Variants in CYTH3 observed in about 807,000 individuals in gnomAD.
CYTH3 encodes cytohesin 3.
Under a neutral mutation model 55.1 loss-of-function variants are expected in CYTH3, and 23 were observed. The observed-to-expected ratio is 0.42, with a 90% CI of 0.30 to 0.59. The LOEUF (loss-of-function observed/expected upper bound fraction) is 0.59, where lower values mean the gene tolerates loss of function less well. Among genes scored for constraint, CYTH3 ranks in the 20% least tolerant of loss-of-function variants. CYTH3 has a pLI of 0.20. For missense variants in CYTH3, 413 were observed against 524.8 expected (o/e 0.79, Z 2.08); for synonymous variants, 249 against 194.9 (o/e 1.28, Z -2.31).
At chr7:6,236,411 T>C (rs1779525983) in intron 1 of CYTH3, among the ~76,000 whole-genome samples, 1 of 150,342 alleles carries the variant, frequency 6.7e-6, no homozygotes. Flanking sequence ...GGTCTTGCTA[T>C]GTTGCCCAGG....
intron 4 of CYTH3, among the ~76,000 whole-genome samples, chr7:6,179,112 G>A (rs1013513411): frequency 6.6e-6 from 1 of 152,102 alleles, no homozygotes; most frequent in Non-Finnish European, 1.5e-5. Context: ...GTCCACAGCA[G>A]CCTTATTTCC....
intron 4 of CYTH3, among the ~76,000 whole-genome samples, chr7:6,185,238 G>A (rs1180172985): frequency 6.6e-6 from 1 of 152,242 alleles, no homozygotes; most frequent in African/African-American, 2.4e-5. Flanking sequence ...TGGCTAGAGT[G>A]TATGCATTAA....
intron 1 of CYTH3, among the ~76,000 whole-genome samples, chr7:6,258,474 T>C (rs1399285223): frequency 6.6e-6 from 1 of 152,230 alleles, no homozygotes; most frequent in Non-Finnish European, 1.5e-5. Flanking sequence ...AGAGGGATTA[T>C]CCCACCTGCT....
intron 1 of CYTH3, among the ~76,000 whole-genome samples, chr7:6,244,125 T>G (rs189244238): frequency 1.3e-5 from 2 of 152,216 alleles, no homozygotes; most frequent in Non-Finnish European, 2.9e-5. Flanking sequence ...TTGCATCTTA[T>G]GTATCTGATG....
In CYTH3 at chr7:6,197,383, T is replaced by C. The variant is rs539071859; in HGVS notation, c.35-6852A>G. Among the ~76,000 whole-genome samples, 76 of 152,252 alleles carry C rather than the reference T, an allele frequency of 5.0e-4. 1 individual carries two copies. The highest frequency in any genetic ancestry group is 1.7e-3 in the African/African-American group (71 of 41,568). On this transcript the variant is annotated intron_variant, in intron 1 of 12. Coordinates refer to ENST00000350796, the MANE Select transcript of CYTH3 (RefSeq NM_004227.4). ...ATTATGTCTATACTTCGAAATACTT[T>C]AGCAAAAAAAGAATTGAGGCTGAGC...
intron 1 of CYTH3, among the ~76,000 whole-genome samples, chr7:6,194,179 G>C (rs959663098): frequency 6.6e-6 from 1 of 152,222 alleles, no homozygotes; most frequent in Non-Finnish European, 1.5e-5. Context: ...AGCAAAAAGG[G>C]ATAAAAGTGG....
chr7:6,229,871 C>A (rs890625958), intron 1 of CYTH3, among the ~76,000 whole-genome samples: 5 of 150,338 alleles, frequency 3.3e-5, no homozygotes, highest in African/African-American at 1.2e-4. Context: ...CTGGGTGGCT[C>A]ATGCCCGTAA....
intron 1 of CYTH3, among the ~76,000 whole-genome samples, chr7:6,214,741 T>A (rs770210667): frequency 5.9e-5 from 9 of 152,152 alleles, no homozygotes; most frequent in Non-Finnish European, 1.3e-4. Flanking sequence ...GTTGTTTCCT[T>A]CTCATCTAAC....
At position 6,187,165 on chromosome 7, in the gene CYTH3, CA is replaced by C. The variant is rs762615748; in HGVS notation, c.183-50del. On this transcript the variant is annotated intron_variant, in intron 3 of 12. Transcript: ENST00000350796. ...AATCACTCATGCTGTTTTCACAATG[CA>C]GCCCAGTCACGGCCCTCCAGTGTAC... 42 of 1,572,430 alleles carry C rather than the reference CA, an allele frequency of 2.7e-5. No homozygotes were observed. In the East Asian group the frequency reaches 9.2e-4, roughly 34 times the overall value.
chr7:6,205,084 G>A (rs1462725344), intron 1 of CYTH3, among the ~76,000 whole-genome samples: 1 of 152,026 alleles, frequency 6.6e-6, no homozygotes, highest in Non-Finnish European at 1.5e-5. Flanking sequence ...AGAATCACCT[G>A]AGCCTGGACG....
rs777968933 is a variant in CYTH3 at position 6,171,769 on chromosome 7, G to A, written c.450-455C>T. ...AGCCCCACCTACAGCACTGGGCGCT[G>A]CGGTCAGAAGCTGCTGCTGCCTTGC... is the stretch of plus-strand genomic sequence containing the variant. On this transcript the variant is annotated intron_variant, in intron 6 of 12. Coordinates refer to ENST00000350796, the MANE Select transcript of CYTH3 (RefSeq NM_004227.4). This position sits in a 1 kb window ranked among gnomAD's most constrained non-coding sequence, Gnocchi z 6.7. 2.7e-4 allele frequency: 45 copies of A among 167,222 alleles called. No individual in the cohort carries two copies. Among genetic ancestry groups the A allele is most frequent in the Admixed American group, 5.0e-4 (9 of 17,840 alleles). 10.4% of individuals were successfully genotyped at this position (167,222 alleles called of 1,614,324 possible).
intron 5 of CYTH3, among the ~76,000 whole-genome samples, chr7:6,176,363 G>C (rs978268002): frequency 6.9e-6 from 1 of 144,752 alleles, no homozygotes; most frequent in Non-Finnish European, 1.5e-5. Context: ...CCAGGTTCAC[G>C]TCATTCTCCT....
rs1783190377 is a variant in CYTH3, at chr7:6,171,433, G to A, written c.450-119C>T. The A allele has an allele frequency of 4.8e-6, 4 of 827,972 alleles. No individual in the cohort carries two copies. Among genetic ancestry groups the A allele is most frequent in the Non-Finnish European group, 7.8e-6 (4 of 513,448 alleles). The allele number at this position is 827,972 out of a possible 1,614,324, so 51.3% of individuals were successfully genotyped here. A position where few individuals can be genotyped will look rare whatever the true frequency, so the allele number is the denominator to read the frequency against. ...CCTCCCGAGCCTGGGGTACAGCTCT[G>A]GCAGGGGCTTGGGGGCGCAGAGACA... On this transcript the variant is annotated intron_variant, in intron 6 of 12. Coordinates refer to ENST00000350796, the MANE Select transcript of CYTH3 (RefSeq NM_004227.4). This position sits in a 1 kb window ranked among gnomAD's most constrained non-coding sequence, Gnocchi z 6.7.
intron 1 of CYTH3, among the ~76,000 whole-genome samples, chr7:6,266,330 T>C (rs1376588128): frequency 6.6e-6 from 1 of 152,186 alleles, no homozygotes; most frequent in Non-Finnish European, 1.5e-5. Context: ...AGCTTCCCTA[T>C]GCCTCCATTT....
In CYTH3 at chr7:6,169,046, G is replaced by T. The variant is rs1347134739; in HGVS notation, c.823+1489C>A. The stretch of plus-strand genomic sequence containing the variant: ...TCAGGCACCCGAGCCAAAGACCATG[G>T]TACTAGGTTTTCAGGCAAATATCTA... On this transcript the variant is annotated intron_variant, in intron 9 of 12. Coordinates refer to ENST00000350796, the MANE Select transcript of CYTH3 (RefSeq NM_004227.4). This position sits in a 1 kb window ranked among gnomAD's most constrained non-coding sequence, Gnocchi z 4.1. Among the ~76,000 whole-genome samples the T allele has an allele frequency of 6.6e-6, 1 of 152,166 alleles. No individual in the cohort carries two copies. Among genetic ancestry groups the T allele is most frequent in the East Asian group, 1.9e-4 (1 of 5,182 alleles).
intron 1 of CYTH3, among the ~76,000 whole-genome samples, chr7:6,221,209 A>T (rs1424296905): frequency 2.6e-5 from 4 of 152,240 alleles, no homozygotes; most frequent in African/African-American, 9.6e-5. Flanking sequence ...CATACCATGG[A>T]ATATTATCTA....
intron 1 of CYTH3, among the ~76,000 whole-genome samples, chr7:6,223,836 TAAAAAAAAAAAAAAAAA>T (rs58813864): frequency 4.1e-5 from 1 of 24,314 alleles, no homozygotes; most frequent in South Asian, 1.7e-3. Context: ...CAATAAATAC[TAAAAAAAAAAAAAAAAA>T]AAAAAAAAAA....
chr7:6,166,350 A>G (rs1444181196), intron 9 of CYTH3, among the ~76,000 whole-genome samples: 1 of 152,246 alleles, frequency 6.6e-6, no homozygotes, highest in African/African-American at 2.4e-5. Context: ...TCTGATCCTT[A>G]AACACTGAGC....
chr7:6,193,424 T>C (rs924512563), intron 1 of CYTH3, among the ~76,000 whole-genome samples: 6 of 149,314 alleles, frequency 4.0e-5, no homozygotes, highest in Admixed American at 4.0e-4. Flanking sequence ...GTAGTAATCA[T>C]AATTAGCAAT....
Sources: gnomAD v4.1 joint callset for allele counts (sites outside exome capture counted in the v4.1 genomes callset) on GRCh38, gnomAD v4.1.1 for gene constraint, Gnocchi (gnomAD v3.1) non-coding constraint, MANE v1.5 for transcripts, NCBI Gene and HGNC (gene_info 2026-07-23, HGNC 2026-07-21) for gene names.